MDN1: variants seen among roughly 807,000 people sequenced by gnomAD.
The protein encoded by MDN1 is midasin.
In MDN1, 266 loss-of-function variants were observed where a neutral mutation model predicts 669.2. The ratio of observed to expected loss-of-function variants is 0.40; its 90% CI spans 0.36 to 0.44. The LOEUF is 0.44. Among genes scored for constraint, MDN1 ranks in the 20% least tolerant of loss-of-function variants. MDN1 has a pLI of 1.00. For missense variants in MDN1, 5,940 were observed against 6,754.0 expected, an observed-to-expected ratio of 0.88 and a Z score of 4.22; for synonymous variants, 2,385 against 2,457.1, an observed-to-expected ratio of 0.97 and a Z score of 0.87.
chr6:89,742,565 C>T (rs778664507), intron 31 of MDN1, among the ~76,000 whole-genome samples: 5 of 152,154 alleles, frequency 3.3e-5, no homozygotes, highest in Admixed American at 2.0e-4. Context: ...ATATAGCTTG[C>T]AAGAAGAACC....
At chr6:89,802,927 A>C (rs1443132841) in intron 2 of MDN1, among the ~76,000 whole-genome samples, 3 of 152,186 alleles carry the variant, frequency 2.0e-5, no homozygotes, top group Non-Finnish European at 2.9e-5. Flanking sequence ...TTTGGAAGGG[A>C]TACTATAGCT....
chr6:89,677,663 C>T lies in MDN1; in HGVS notation c.12446G>A (p.Arg4149His), dbSNP rs77256291. ...LSYRKGLAWA[R>H]SKNPQEMLHL... ...AAGCATCTCTTGAGGGTTTTTTGAA[C>T]GGGCCCAAGCAAGACCTTTGCGATA... is the stretch of plus-strand genomic sequence containing the variant. Residue 4149 changes from arginine to histidine, a missense_variant, in exon 76 of 102, where the codon CGT (arginine) becomes CAT (histidine). This residue lies in a region of MDN1 where 2,280 missense variants were observed against 2,576.3 expected (regional missense o/e 0.88). Transcript: ENST00000369393. The T allele has an allele frequency of 2.9e-4, 476 of 1,614,064 alleles. No homozygotes were observed. Among genetic ancestry groups the T allele is most frequent in the Non-Finnish European group, 3.8e-4 (449 of 1,180,008 alleles).
intron 43 of MDN1, 70 bp downstream of exon 43, chr6:89,718,296 T>C: frequency 7.0e-7 from 1 of 1,435,690 alleles, no homozygotes; most frequent in Non-Finnish European, 9.5e-7. Flanking sequence ...CATTTGTAAA[T>C]CTATTACGTG....
In MDN1 at chr6:89,713,220, A is replaced by G. The variant is rs781628384; in HGVS notation, c.7146T>C (p.Ser2382=). Reference sequence around the variant, plus strand: ...ATGCTTCAGAAAAGGCTCTGTCTAAACTCAGCCCTCGCTGCAGGTACTGGA... The same window carrying G: ...ATGCTTCAGAAAAGGCTCTGTCTAAGCTCAGCCCTCGCTGCAGGTACTGGA... The part of the protein sequence containing the change: ...LIVQYLQRGL[S]LDRAFSEACW... The change falls in exon 47 of 102, where the codon AGT becomes AGC. Residue 2382 remains serine, a synonymous_variant. Coordinates refer to ENST00000369393, the MANE Select transcript of MDN1 (RefSeq NM_014611.3). 7 of 1,614,120 alleles carry G rather than the reference A, an allele frequency of 4.3e-6. No homozygotes were observed. Among genetic ancestry groups the G allele is most frequent in the Non-Finnish European group, 5.9e-6 (7 of 1,179,976 alleles).
intron 51 of MDN1, among the ~76,000 whole-genome samples, chr6:89,707,770 A>C (rs951666547): frequency 6.6e-6 from 1 of 152,180 alleles, no homozygotes; most frequent in African/African-American, 2.4e-5. Flanking sequence ...GAAATGGAGG[A>C]GTTGGTGGAG....
At chr6:89,766,628 T>C (rs1817813610) in intron 15 of MDN1, among the ~76,000 whole-genome samples, 1 of 152,236 alleles carries the variant, frequency 6.6e-6, no homozygotes, top group African/African-American at 2.4e-5. Flanking sequence ...TTTGCTTATA[T>C]CTGTTACATA....
chr6:89,688,230 G>C, intron 66 of MDN1, 57 bp from the exon 67 acceptor site: 1 of 1,485,690 alleles, frequency 6.7e-7, no homozygotes, highest in Non-Finnish European at 9.4e-7. Flanking sequence ...CTAAGTCACA[G>C]GGTACTGAAG....
chr6:89,693,833 T>G (rs1812540738), intron 62 of MDN1, among the ~76,000 whole-genome samples: 1 of 152,202 alleles, frequency 6.6e-6, no homozygotes, highest in Admixed American at 6.5e-5. Flanking sequence ...CCACTTCTTC[T>G]ATGCTGAGAC....
chr6:89,769,312 A>T (rs1467613966), intron 15 of MDN1, among the ~76,000 whole-genome samples: 1 of 152,206 alleles, frequency 6.6e-6, no homozygotes. Flanking sequence ...CTATTCACTT[A>T]TAACAGAATA....
At position 89,712,747 on chromosome 6, in the gene MDN1, G is replaced by A. The variant is rs187636155; in HGVS notation, c.7258C>T (p.Arg2420Ter). 6.2e-7 allele frequency: 1 copy of A among 1,614,140 alleles called. No homozygotes were observed. Among genetic ancestry groups the A allele is most frequent in the South Asian group, 1.1e-5 (1 of 91,078 alleles). ...ALLEKHVSSLRAHETWGDSIL... is the reference protein window; with the variant it reads ...ALLEKHVSSL ...GAGTCTCCCCAGGTTTCATGTGCTC[G>A]CAAAGAAGAAACATGTTTCTCCAGT... Residue 2420 changes from arginine (R) to a stop codon, truncating the protein, a stop_gained, in exon 48 of 102, where the codon CGA becomes TGA. Coordinates refer to ENST00000369393, the MANE Select transcript of MDN1 (RefSeq NM_014611.3). LOFTEE classifies it high-confidence loss of function.
chr6:89,696,772 C>T (rs1812780104), intron 59 of MDN1, among the ~76,000 whole-genome samples, 198 bp from the exon 60 acceptor site: 1 of 152,096 alleles, frequency 6.6e-6, no homozygotes, highest in East Asian at 1.9e-4. Context: ...AGGAAATGAG[C>T]AATGGATGCT....
chr6:89,786,295 T>C (rs1279548599), intron 8 of MDN1, among the ~76,000 whole-genome samples: 6 of 151,754 alleles, frequency 4.0e-5, no homozygotes. Context: ...AATCAAGGTC[T>C]ATCAAAACTA....
At chr6:89,750,612 G>T in intron 23 of MDN1, 80 bp from the exon 24 acceptor site, 1 of 1,360,186 alleles carries the variant, frequency 7.4e-7, no homozygotes, top group Non-Finnish European at 1.0e-6. Flanking sequence ...GTATTGGTTT[G>T]TTTTGTTTGA....
At chr6:89,672,479 GAAAT>G in intron 81 of MDN1, 64 bp downstream of exon 81, 2 of 1,595,782 alleles carry the variant, frequency 1.3e-6, no homozygotes, top group Admixed American at 3.6e-5. Context: ...TTTAGCCACA[GAAAT>G]AAATCATCAA....
At chr6:89,804,141 C>T (rs1170507607) in intron 1 of MDN1, among the ~76,000 whole-genome samples, 1 of 150,632 alleles carries the variant, frequency 6.6e-6, no homozygotes, top group East Asian at 2.0e-4. Context: ...AACTCCTGGC[C>T]AGAGGTGATC....
rs2273246 is a variant in MDN1 at position 89,743,544 on chromosome 6, A to T, written c.4317+32T>A. On this transcript the variant is annotated intron_variant, in intron 30 of 101. Coordinates refer to ENST00000369393, the MANE Select transcript of MDN1 (RefSeq NM_014611.3). ...CATGCACAGCTAACTGCAGTTTTTT[A>T]AAATAACAGGAACACTTGCTGCTGG... The T allele has an allele frequency of 1.6e-5, 25 of 1,601,134 alleles. No homozygotes were observed. The South Asian group carries it at 2.7e-4, about 17-fold the overall frequency.
intron 80 of MDN1, 37 bp downstream of exon 80, chr6:89,673,199 C>T: frequency 6.6e-7 from 1 of 1,521,702 alleles, no homozygotes; most frequent in Non-Finnish European, 9.1e-7. Context: ...CATTTCTACA[C>T]TGGACTTTCA....
chr6:89,757,861 T>C (rs965895557), intron 19 of MDN1, among the ~76,000 whole-genome samples: 5 of 151,414 alleles, frequency 3.3e-5, no homozygotes, highest in Admixed American at 3.3e-4. Flanking sequence ...CTGGCCAACA[T>C]AGTGAAACCC....
At position 89,780,237 on chromosome 6, in the gene MDN1, G is replaced by A; in HGVS notation, c.1700C>T (p.Ser567Leu). 6.3e-7 allele frequency: 1 copy of A among 1,579,172 alleles called. No homozygotes were observed. The highest frequency in any genetic ancestry group is 1.4e-5 in the African/African-American group (1 of 73,138). The change falls in exon 11 of 102, where the codon TCA (serine) becomes TTA (leucine). Residue 567 changes from serine (S) to leucine (L), a missense_variant. Coordinates refer to ENST00000369393, the MANE Select transcript of MDN1 (RefSeq NM_014611.3). ...IAHSFDSSSL[S>L]ASLNIFQEAL... ...CTCTTGAAAAATATTTAATGATGCTGATAAAGATGAACTGTCAAAGCTATG... is the reference window on the plus strand; with the variant it reads ...CTCTTGAAAAATATTTAATGATGCTAATAAAGATGAACTGTCAAAGCTATG...
Sources: allele counts gnomAD v4.1 joint callset (sites outside exome capture counted in the v4.1 genomes callset), GRCh38; gene constraint gnomAD v4.1.1; regional missense constraint gnomAD v4.1.1; transcripts MANE v1.5; gene names NCBI Gene and HGNC (gene_info 2026-07-23, HGNC 2026-07-21).